HCRTR2: variants seen among roughly 807,000 people sequenced by gnomAD.
HCRTR2 encodes orexin receptor type 2.
HCRTR2 carries 22 observed loss-of-function variants against 49.0 expected under a neutral mutation model. That is an observed-to-expected ratio of 0.45 (90% CI 0.32 to 0.64). HCRTR2 has a LOEUF of 0.64. Among genes scored for constraint, HCRTR2 ranks in the 30% least tolerant of loss-of-function variants. The probability of loss-of-function intolerance (pLI) is 0.04; values close to 1 mark genes in which losing one functional copy is unlikely to be tolerated. For synonymous variants in HCRTR2, 236 were observed against 205.3 expected (o/e 1.15, Z -1.28); for missense variants, 491 against 559.4 (o/e 0.88, Z 1.23).
At chr6:55,177,866 G>C (rs1474356066) in intron 1 of HCRTR2, among the ~76,000 whole-genome samples, 1 of 152,078 alleles carries the variant, frequency 6.6e-6, no homozygotes, top group East Asian at 1.9e-4. Flanking sequence ...GTTTTAAATA[G>C]AATGTTATGA....
At chr6:55,190,590 T>C (rs1482110454) in intron 1 of HCRTR2, among the ~76,000 whole-genome samples, 2 of 152,210 alleles carry the variant, frequency 1.3e-5, no homozygotes, top group Non-Finnish European at 2.9e-5. Flanking sequence ...TGTACCTTTT[T>C]ATACATTCCC....
intron 1 of HCRTR2, among the ~76,000 whole-genome samples, chr6:55,187,078 A>C (rs1274291262): frequency 7.0e-6 from 1 of 143,804 alleles, no homozygotes; most frequent in Non-Finnish European, 1.5e-5. Context: ...TTATGAATTA[A>C]AAAAAAAAAT....
Position 55,197,653 on chromosome 6 carries a change from G to A in HCRTR2, c.223+22843G>A, listed in dbSNP as rs58828550. 6.6e-5 allele frequency among the ~76,000 whole-genome samples: 10 copies of A among 151,728 alleles called. No individual in the cohort carries two copies. The South Asian group carries it at 1.9e-3, about 28-fold the overall frequency. On this transcript the variant is annotated intron_variant, in intron 1 of 6. Coordinates refer to ENST00000370862, the MANE Select transcript of HCRTR2 (RefSeq NM_001384272.1). Reference sequence around the variant, plus strand: ...TCTCTTTTTTTTGAGATGGAGTCTCGCTCTGTCTCCCAGGTTGAAGTGCAG... The same window carrying A: ...TCTCTTTTTTTTGAGATGGAGTCTCACTCTGTCTCCCAGGTTGAAGTGCAG...
At chr6:55,165,217 A>G (rs1764859478) in intron 1 of HCRTR2, among the ~76,000 whole-genome samples, 1 of 131,634 alleles carries the variant, frequency 7.6e-6, no homozygotes, top group Non-Finnish European at 1.7e-5. Context: ...GGCCTTAAAA[A>G]GGAAGGAGAG....
At chr6:55,279,258 CA>C (rs770773852) in intron 5 of HCRTR2, among the ~76,000 whole-genome samples, 5 of 151,954 alleles carry the variant, frequency 3.3e-5, no homozygotes, top group Non-Finnish European at 7.4e-5. Flanking sequence ...CTTTCTCCCA[CA>C]AAAACCATTC....
chr6:55,237,966 A>G (rs976743569), intron 1 of HCRTR2, among the ~76,000 whole-genome samples: 4 of 152,126 alleles, frequency 2.6e-5, no homozygotes, highest in South Asian at 4.1e-4. Context: ...GGTTGATCTT[A>G]TCCACTCCAC....
chr6:55,203,787 A>G (rs1189983362), intron 1 of HCRTR2, among the ~76,000 whole-genome samples: 1 of 152,152 alleles, frequency 6.6e-6, no homozygotes, highest in Admixed American at 6.5e-5. Context: ...AGTAACAGTA[A>G]GAAATTAGTG....
At chr6:55,246,601 C>T (rs1766448191) in intron 1 of HCRTR2, among the ~76,000 whole-genome samples, 1 of 152,026 alleles carries the variant, frequency 6.6e-6, no homozygotes, top group East Asian at 1.9e-4. Context: ...TTTTCATTTT[C>T]TGCTTCAATC....
chr6:55,146,627 A>C (rs540654087), intron 1 of HCRTR2, among the ~76,000 whole-genome samples: 1 of 151,286 alleles, frequency 6.6e-6, no homozygotes, highest in Admixed American at 6.6e-5. Flanking sequence ...TGACTGTTAC[A>C]ACCATGTTTG....
intron 1 of HCRTR2, among the ~76,000 whole-genome samples, chr6:55,194,538 G>A (rs527407999): frequency 9.5e-4 from 145 of 152,088 alleles, no homozygotes; most frequent in Non-Finnish European, 3.1e-4. Flanking sequence ...AATAAAATAT[G>A]TCTGAGATGC....
chr6:55,256,529 C>T (rs1766656005), intron 3 of HCRTR2, among the ~76,000 whole-genome samples: 1 of 152,026 alleles, frequency 6.6e-6, no homozygotes, highest in Admixed American at 6.6e-5. Flanking sequence ...GTTGCAAGAC[C>T]TATAATAACT....
intron 3 of HCRTR2, among the ~76,000 whole-genome samples, chr6:55,261,824 A>G (rs558800483): frequency 2.6e-5 from 4 of 152,164 alleles, no homozygotes; most frequent in Non-Finnish European, 5.9e-5. Flanking sequence ...AGATACCTGC[A>G]CATGCATGTT....
chr6:55,212,580 G>A (rs577047009), intron 1 of HCRTR2, among the ~76,000 whole-genome samples: 6 of 152,240 alleles, frequency 3.9e-5, no homozygotes, highest in South Asian at 2.1e-4. Context: ...TCTTCCTGGC[G>A]TGGAAGTAGT....
At chr6:55,154,114 A>G (rs1764699545) in intron 1 of HCRTR2, among the ~76,000 whole-genome samples, 1 of 151,854 alleles carries the variant, frequency 6.6e-6, no homozygotes. Context: ...GTAACAACCA[A>G]GGAGACTGAG....
intron 1 of HCRTR2, among the ~76,000 whole-genome samples, chr6:55,151,027 A>G (rs1425390203): frequency 2.6e-5 from 4 of 152,048 alleles, no homozygotes; most frequent in Non-Finnish European, 5.9e-5. Context: ...AAATACCCTG[A>G]TTAAAAATAT....
chr6:55,120,288 T>C (rs1030448613), intron 1 of HCRTR2, among the ~76,000 whole-genome samples: 3 of 152,016 alleles, frequency 2.0e-5, no homozygotes, highest in Non-Finnish European at 4.4e-5. Flanking sequence ...TCCAATTCTG[T>C]GAAGAAAGTT....
intron 1 of HCRTR2, among the ~76,000 whole-genome samples, chr6:55,235,564 C>A (rs1766198450): frequency 6.6e-6 from 1 of 152,052 alleles, no homozygotes; most frequent in African/African-American, 2.4e-5. Context: ...TTAAGAAATG[C>A]TTATCTACTC....
At chr6:55,214,684 C>A (rs1207812407) in intron 1 of HCRTR2, among the ~76,000 whole-genome samples, 1 of 151,374 alleles carries the variant, frequency 6.6e-6, no homozygotes, top group African/African-American at 2.4e-5. Context: ...TTCAAAATAG[C>A]AATTATAAAG....
chr6:55,166,976 A>C (rs1764886581), intron 1 of HCRTR2, among the ~76,000 whole-genome samples: 1 of 152,186 alleles, frequency 6.6e-6, no homozygotes, highest in East Asian at 1.9e-4. Context: ...AAATTTCCAG[A>C]ATTGTCAGAT....
Sources: allele counts gnomAD v4.1 joint callset (sites outside exome capture counted in the v4.1 genomes callset), GRCh38; gene constraint gnomAD v4.1.1; transcripts MANE v1.5; gene names NCBI Gene and HGNC (gene_info 2026-07-23, HGNC 2026-07-21).